Variants in CHODL observed in about 807,000 individuals in gnomAD.
CHODL encodes transmembrane protein MT75.
In CHODL, 29 loss-of-function variants were observed where a neutral mutation model predicts 34.5. The observed-to-expected ratio is 0.84, with a 90% CI of 0.63 to 1.15. CHODL has a LOEUF of 1.15. Among genes scored for constraint, CHODL ranks in the 50% most tolerant of loss-of-function variants. The pLI, the probability that CHODL is intolerant of heterozygous loss-of-function variation, is 0.00. For synonymous variants in CHODL, 125 were observed against 116.1 expected (o/e 1.08, Z -0.49); for missense variants, 332 against 332.5 (o/e 1.00, Z 0.01).
intron 2 of CHODL, among the ~76,000 whole-genome samples, chr21:18,196,868 A>G (rs2073594125): frequency 6.6e-6 from 1 of 152,200 alleles, no homozygotes; most frequent in Admixed American, 6.5e-5. Flanking sequence ...AGTTTCAGTT[A>G]TGCCAATGAA....
chr21:18,147,187 C>A (rs902136263), intron 2 of CHODL, among the ~76,000 whole-genome samples: 2 of 152,194 alleles, frequency 1.3e-5, no homozygotes, highest in African/African-American at 4.8e-5. Flanking sequence ...TTAAAAATCA[C>A]ATGGAAGAGT....
intron 2 of CHODL, among the ~76,000 whole-genome samples, chr21:18,151,994 G>C (rs1397302590): frequency 3.5e-5 from 3 of 86,052 alleles, no homozygotes; most frequent in Admixed American, 2.1e-4. Flanking sequence ...AACTCTGTGT[G>C]TGTGTGTGTG....
chr21:18,129,030 G>C (rs966323252), intron 2 of CHODL, among the ~76,000 whole-genome samples: 2 of 151,786 alleles, frequency 1.3e-5, no homozygotes, highest in African/African-American at 4.8e-5. Context: ...TAAGATGTAT[G>C]TACTAAGATT....
At chr21:18,232,944 T>TATAG (rs1377608208) in intron 2 of CHODL, among the ~76,000 whole-genome samples, 2 of 68,272 alleles carry the variant, frequency 2.9e-5, no homozygotes, top group Non-Finnish European at 6.4e-5. Context: ...GATGTTATGA[T>TATAG]ATATATATAT....
Position 18,225,155 on chromosome 21 carries a change from T to C in CHODL, c.-44-31354T>C, listed in dbSNP as rs147341896. Among the ~76,000 whole-genome samples, 733 of 152,300 alleles carry C rather than the reference T, an allele frequency of 4.8e-3. 2 individuals carry two copies. Among genetic ancestry groups the C allele is most frequent in the Middle Eastern group, 0.034 (10 of 294 alleles). On this transcript the variant is annotated intron_variant, in intron 2 of 6. Coordinates refer to the CHODL transcript ENST00000400127. ...TGGAAAGTTTAAGCACATCTACACA[T>C]TATTTTATAACTTGTGTTATTACAT...
chr21:18,082,635 G>A (rs780746217), intron 2 of CHODL, among the ~76,000 whole-genome samples: 1 of 152,160 alleles, frequency 6.6e-6, no homozygotes, highest in Non-Finnish European at 1.5e-5. Context: ...GAAACCTATT[G>A]AGAACTGTAG....
intron 2 of CHODL, among the ~76,000 whole-genome samples, chr21:18,053,000 T>C (rs2064534934): frequency 6.6e-6 from 1 of 151,932 alleles, no homozygotes; most frequent in African/African-American, 2.4e-5. Context: ...AATTTCTCAT[T>C]AGGTACACTG....
At chr21:18,077,684 G>A (rs2064882928) in intron 2 of CHODL, among the ~76,000 whole-genome samples, 1 of 152,222 alleles carries the variant, frequency 6.6e-6, no homozygotes, top group Non-Finnish European at 1.5e-5. Context: ...CACATTGAAA[G>A]AGTGTGAAAG....
In CHODL at chr21:17,945,946, T is replaced by C. The variant is rs770822722; in HGVS notation, c.-145+28546T>C. On this transcript the variant is annotated intron_variant, in intron 1 of 6. Coordinates refer to the CHODL transcript ENST00000400127. ...CAAGCCTGGAGAGAGTAGAATGATATATTCAAAGTGCTGAATGAAAAAAAA... is the reference window on the plus strand; with the variant it reads ...CAAGCCTGGAGAGAGTAGAATGATACATTCAAAGTGCTGAATGAAAAAAAA... Among the ~76,000 whole-genome samples, 81 of 152,270 alleles carry C rather than the reference T, an allele frequency of 5.3e-4. 1 individual carries two copies. The highest frequency in any genetic ancestry group is 9.7e-4 in the Non-Finnish European group (66 of 68,028).
intron 1 of CHODL, among the ~76,000 whole-genome samples, chr21:17,989,544 T>G (rs532561329): frequency 5.3e-5 from 8 of 152,280 alleles, no homozygotes; most frequent in African/African-American, 1.7e-4. Context: ...TGACTGGCTG[T>G]CTGTAGCCTT....
intron 2 of CHODL, among the ~76,000 whole-genome samples, chr21:18,118,924 C>T (rs112079856): frequency 4.6e-5 from 7 of 152,278 alleles, no homozygotes; most frequent in African/African-American, 1.7e-4. Flanking sequence ...TTCCTTCCAT[C>T]TCCTAGTTCT....
rs1030479160 is a variant in CHODL, at chr21:18,095,352, G to T, written c.-45+67381G>T. ...ACAGCTGATACCACAGAAATTCAAA[G>T]AATCATTAATGGCTACATTGAGCAA... is the stretch of plus-strand genomic sequence containing the variant. On this transcript the variant is annotated intron_variant, in intron 2 of 6. Transcript: ENST00000400127. Among the ~76,000 whole-genome samples the T allele has an allele frequency of 2.0e-5, 3 of 151,868 alleles. No individual in the cohort carries two copies. In the East Asian group the frequency reaches 5.8e-4, roughly 30 times the overall value.
intron 2 of CHODL, among the ~76,000 whole-genome samples, chr21:18,099,060 G>A (rs906784206): frequency 1.2e-4 from 19 of 152,070 alleles, no homozygotes; most frequent in Admixed American, 2.6e-4. Context: ...AGGGTACAAA[G>A]ATGGTTACAG....
intron 1 of CHODL, among the ~76,000 whole-genome samples, chr21:18,005,680 C>T (rs951981371): frequency 6.6e-5 from 10 of 152,226 alleles, no homozygotes; most frequent in African/African-American, 2.4e-4. Flanking sequence ...TGAGGTTCCT[C>T]CAAGAGCTTG....
intron 2 of CHODL, among the ~76,000 whole-genome samples, chr21:18,116,299 TTC>T (rs147682135): frequency 1.4e-4 from 21 of 151,604 alleles, no homozygotes; most frequent in Admixed American, 6.6e-4. Context: ...TTAAACTTAT[TTC>T]TCTCTCTCTC....
intron 1 of CHODL, among the ~76,000 whole-genome samples, chr21:17,963,941 C>CT (rs904660972): frequency 2.6e-5 from 4 of 151,792 alleles, no homozygotes; most frequent in South Asian, 2.1e-4. Flanking sequence ...CTGTTAATGG[C>CT]TTTTTTTTCT....
At chr21:18,169,741 T>C (rs2073205026) in intron 2 of CHODL, among the ~76,000 whole-genome samples, 1 of 152,068 alleles carries the variant, frequency 6.6e-6, no homozygotes, top group African/African-American at 2.4e-5. Context: ...TATGATCATT[T>C]TTTAGATATC....
chr21:18,189,449 C>A (rs1379785018), intron 2 of CHODL, among the ~76,000 whole-genome samples: 2 of 151,950 alleles, frequency 1.3e-5, no homozygotes, highest in Non-Finnish European at 2.9e-5. Flanking sequence ...AGCATGAAGA[C>A]CATTTTCATT....
At chr21:17,975,893 C>T (rs938131782) in intron 1 of CHODL, among the ~76,000 whole-genome samples, 1 of 152,010 alleles carries the variant, frequency 6.6e-6, no homozygotes, top group Non-Finnish European at 1.5e-5. Context: ...GAACCCAAAA[C>T]AACAAACCAA....
Sources: allele counts gnomAD v4.1 joint callset (sites outside exome capture counted in the v4.1 genomes callset), GRCh38; gene constraint gnomAD v4.1.1; transcripts MANE v1.5; gene names NCBI Gene and HGNC (gene_info 2026-07-23, HGNC 2026-07-21).